The following NPAS1 variants were observed in gnomAD, a reference collection of about 807,000 sequenced individuals.
The protein encoded by NPAS1 is neuronal PAS domain protein 1, also known as neuronal PAS domain-containing protein 1.
NPAS1 carries 29 observed loss-of-function variants against 49.2 expected under a neutral mutation model. The observed-to-expected ratio is 0.59, with a 90% confidence interval of 0.44 to 0.80. The LOEUF (loss-of-function observed/expected upper bound fraction) is 0.80, where lower values mean the gene tolerates loss of function less well. Ranked by LOEUF, NPAS1 falls within the 30% of genes least tolerant of loss-of-function variation. NPAS1 has a pLI of 0.00. For missense variants in NPAS1, 825 were observed against 835.5 expected, an observed-to-expected ratio of 0.99 and a Z score of 0.15; for synonymous variants, 408 against 380.4, an observed-to-expected ratio of 1.07 and a Z score of -0.84.
In NPAS1 at chr19:47,021,913, C is replaced by T; in HGVS notation, c.358+66C>T. 1.9e-6 allele frequency: 2 copies of T among 1,067,820 alleles called. No individual in the cohort carries two copies. Among genetic ancestry groups the T allele is most frequent in the Non-Finnish European group, 2.5e-6 (2 of 794,368 alleles). 66.1% of individuals were successfully genotyped at this position (1,067,820 alleles called of 1,614,324 possible). ...AGGCGGAGTCACTGCAGCCCAGATC[C>T]GGGCTGCGGGCCTGCCCTCGCCCAG... On this transcript the variant is annotated intron_variant, in intron 3 of 11. Transcript: ENST00000602212. The surrounding 1 kb of genome is among the most constrained non-coding windows in gnomAD (Gnocchi z 5.7).
At position 47,045,760 on chromosome 19, in the gene NPAS1, G is replaced by C. The variant is rs1277242406; in HGVS notation, c.*109G>C. ...GAATTAAACGCCGGCTCTCCCTGCA[G>C]TGGTTTGGGCTCCGGGCTGTGAGCT... On this transcript the variant is annotated 3_prime_UTR_variant, in exon 12 of 12. Coordinates refer to ENST00000602212, the MANE Select transcript of NPAS1 (RefSeq NM_002517.4). The C allele has an allele frequency of 8.1e-6, 9 of 1,111,538 alleles. No individual in the cohort carries two copies. The highest frequency in any genetic ancestry group is 1.7e-5 in the African/African-American group (1 of 60,202). The allele number at this position is 1,111,538 out of a possible 1,614,324, so 68.9% of individuals were successfully genotyped here.
Position 47,032,669 on chromosome 19 carries a change from G to A in NPAS1, c.459G>A (p.Leu153=). ...LQSLDGFVFA[L]NQEGKFLYIS... ...CCCTGGATGGCTTTGTGTTCGCCTT[G>A]AACCAGGAAGGAAAATTCCTCTACA... Residue 153 remains leucine, a synonymous_variant, in exon 5 of 12, where the codon TTG becomes TTA. Transcript: ENST00000602212. 6.2e-7 allele frequency: 1 copy of A among 1,614,128 alleles called. No homozygotes were observed. Among genetic ancestry groups the A allele is most frequent in the Non-Finnish European group, 8.5e-7 (1 of 1,180,010 alleles).
intron 4 of NPAS1, 100 bp from the exon 5 acceptor site, chr19:47,032,543 T>C (rs2056914336): frequency 2.5e-6 from 3 of 1,213,100 alleles, no homozygotes; most frequent in Non-Finnish European, 3.6e-6. Flanking sequence ...ACAGTCCACC[T>C]CAGGTGGAGA....
chr19:47,034,990 T>C (rs1391298657), intron 5 of NPAS1, among the ~76,000 whole-genome samples: 1 of 151,832 alleles, frequency 6.6e-6, no homozygotes, highest in East Asian at 1.9e-4. Flanking sequence ...GAGACCAGCC[T>C]GACCAACATG....
chr19:47,021,204 C>CA lies in NPAS1; in HGVS notation c.122+35_122+36insA. The CA allele has an allele frequency of 6.7e-7, 1 of 1,482,990 alleles. No homozygotes were observed. The highest frequency in any genetic ancestry group is 1.3e-5 in the South Asian group (1 of 74,390). 91.9% of individuals were successfully genotyped at this position (1,482,990 alleles called of 1,614,324 possible). ...GCCCCGCCCCCCTGGCCGCGGGCCCCCCCCCGGGTCCAATTCACACCCGAT... is the reference window on the plus strand; with the variant it reads ...GCCCCGCCCCCCTGGCCGCGGGCCCCACCCCCGGGTCCAATTCACACCCGAT... On this transcript the variant is annotated intron_variant, in intron 2 of 11. Transcript: ENST00000602212. This position sits in a 1 kb window ranked among gnomAD's most constrained non-coding sequence, Gnocchi z 5.7.
chr19:47,035,900 A>G, intron 5 of NPAS1, 64 bp from the exon 6 acceptor site: 1 of 1,444,770 alleles, frequency 6.9e-7, no homozygotes, highest in Non-Finnish European at 9.1e-7. Flanking sequence ...CTGAGCCCAG[A>G]GGGCGAGCGA....
At chr19:47,038,486 T>TGCCACTGCACGC (rs2056984268) in intron 6 of NPAS1, among the ~76,000 whole-genome samples, 1 of 106,920 alleles carries the variant, frequency 9.4e-6, no homozygotes, top group Non-Finnish European at 2.2e-5. Context: ...CACTGCACTC[T>TGCCACTGCACGC]AGCCTGGTGA....
intron 3 of NPAS1, among the ~76,000 whole-genome samples, chr19:47,028,053 G>A (rs544059414): frequency 1.3e-5 from 2 of 152,118 alleles, no homozygotes; most frequent in East Asian, 3.9e-4. Context: ...GACCGGACCC[G>A]TGTATGGGGA....
chr19:47,035,042 G>A (rs2056938198), intron 5 of NPAS1, among the ~76,000 whole-genome samples: 1 of 152,072 alleles, frequency 6.6e-6, no homozygotes, highest in African/African-American at 2.4e-5. Flanking sequence ...TTAGCCAGGT[G>A]TGTTGGCACA....
At position 47,040,439 on chromosome 19, in the gene NPAS1, C is replaced by G. The variant is rs771634458; in HGVS notation, c.963-5C>G. On this transcript the variant is annotated splice_polypyrimidine_tract_variant and splice_region_variant and intron_variant, in intron 8 of 11. Coordinates refer to ENST00000602212, the MANE Select transcript of NPAS1 (RefSeq NM_002517.4). ...ACTCCTCCCCTCTTCTCTGTCACCC[C>G]CCAGAGTCAGCGACCACATGGACCT... is the stretch of plus-strand genomic sequence containing the variant. 25 of 1,579,858 alleles carry G rather than the reference C, an allele frequency of 1.6e-5. No individual in the cohort carries two copies. In the African/African-American group the frequency reaches 3.2e-4, roughly 20 times the overall value.
intron 3 of NPAS1, among the ~76,000 whole-genome samples, chr19:47,027,333 T>TCTCTCTGCCCCAGGTCCCCCG (rs2056877570): frequency 8.4e-6 from 1 of 118,702 alleles, no homozygotes; most frequent in Non-Finnish European, 1.9e-5. Flanking sequence ...TGGATCCCCC[T>TCTCTCTGCCCCAGGTCCCCCG]CTCTCTGCCC....
intron 3 of NPAS1, among the ~76,000 whole-genome samples, chr19:47,023,631 C>G (rs1384630952): frequency 5.9e-5 from 9 of 152,142 alleles, no homozygotes; most frequent in Non-Finnish European, 1.0e-4. Context: ...CAGTCACACT[C>G]TCTGAAGGGG....
intron 1 of NPAS1, among the ~76,000 whole-genome samples, chr19:47,020,629 G>A (rs1338787183): frequency 1.3e-5 from 2 of 151,942 alleles, no homozygotes; most frequent in Admixed American, 6.6e-5. Context: ...GGGCTGGGGC[G>A]TGCGTGCCTG....
At chr19:47,033,700 G>A (rs973525126) in intron 5 of NPAS1, among the ~76,000 whole-genome samples, 3 of 151,916 alleles carry the variant, frequency 2.0e-5, no homozygotes, top group Non-Finnish European at 4.4e-5. Flanking sequence ...GCTCATGCCT[G>A]TAATCCCAAC....
chr19:47,034,807 C>CA (rs1568504885), intron 5 of NPAS1, among the ~76,000 whole-genome samples: 1 of 152,000 alleles, frequency 6.6e-6, no homozygotes, highest in Non-Finnish European at 1.5e-5. Flanking sequence ...ACCCAGGAGG[C>CA]AGAGGTTGCA....
At chr19:47,027,055 T>C (rs949778467) in intron 3 of NPAS1, among the ~76,000 whole-genome samples, 3 of 152,084 alleles carry the variant, frequency 2.0e-5, no homozygotes, top group Admixed American at 2.0e-4. Flanking sequence ...AGACCCATTT[T>C]ACAGATGAGG....
chr19:47,027,262 G>C (rs963844797), intron 3 of NPAS1, among the ~76,000 whole-genome samples: 1 of 152,112 alleles, frequency 6.6e-6, no homozygotes, highest in African/African-American at 2.4e-5. Flanking sequence ...CAGTTGAGAA[G>C]GGCAGGTGAC....
At chr19:47,023,835 G>A (rs955406250) in intron 3 of NPAS1, among the ~76,000 whole-genome samples, 17 of 152,118 alleles carry the variant, frequency 1.1e-4, no homozygotes, top group African/African-American at 3.1e-4. Context: ...GGCTGGGCAC[G>A]GTGGCTCACA....
chr19:47,039,683 C>A, intron 8 of NPAS1, 119 bp downstream of exon 8: 1 of 1,123,748 alleles, frequency 8.9e-7, no homozygotes, highest in Non-Finnish European at 1.2e-6. Flanking sequence ...CCATGGGAGG[C>A]GGAACAGCAA....
Sources: gnomAD v4.1 joint callset for allele counts (sites outside exome capture counted in the v4.1 genomes callset) on GRCh38, gnomAD v4.1.1 for gene constraint, Gnocchi (gnomAD v3.1) non-coding constraint, MANE v1.5 for transcripts, NCBI Gene and HGNC (gene_info 2026-07-23, HGNC 2026-07-21) for gene names.